The following TOX variants were observed in gnomAD, a reference collection of about 807,000 sequenced individuals.
The protein encoded by TOX is thymocyte selection associated high mobility group box.
TOX carries 11 observed loss-of-function variants against 53.7 expected under a neutral mutation model. That is an observed-to-expected ratio of 0.20 (90% CI 0.13 to 0.34). The LOEUF (loss-of-function observed/expected upper bound fraction) is 0.34, where lower values mean the gene tolerates loss of function less well. Among genes scored for constraint, TOX ranks in the 10% least tolerant of loss-of-function variants. The pLI is 1.00. For synonymous variants in TOX, 225 were observed against 245.3 expected (o/e 0.92, Z 0.77); for missense variants, 570 against 664.6 (o/e 0.86, Z 1.56).
At chr8:58,981,291 C>T (rs1225902161) in intron 1 of TOX, among the ~76,000 whole-genome samples, 2 of 152,068 alleles carry the variant, frequency 1.3e-5, no homozygotes, top group Non-Finnish European at 2.9e-5. Context: ...CTCTACCTCT[C>T]TCTAGTCGTC....
chr8:59,063,736 C>T (rs1408011067), intron 1 of TOX, among the ~76,000 whole-genome samples: 1 of 152,074 alleles, frequency 6.6e-6, no homozygotes, highest in African/African-American at 2.4e-5. Context: ...TAGACTTTTA[C>T]TGAGAACATA....
At chr8:58,959,868 AC>A in intron 2 of TOX, 74 bp downstream of exon 2, 1 of 1,422,062 alleles carries the variant, frequency 7.0e-7, no homozygotes, top group South Asian at 1.2e-5. Context: ...TGATAGTGCT[AC>A]TCATTTGCAA....
At chr8:59,067,118 G>A (rs891975385) in intron 1 of TOX, among the ~76,000 whole-genome samples, 3 of 152,058 alleles carry the variant, frequency 2.0e-5, no homozygotes, top group East Asian at 3.8e-4. Context: ...AAATCCAGAA[G>A]GGGGGCCGGG....
chr8:58,913,500 G>A (rs1381579275), intron 3 of TOX, among the ~76,000 whole-genome samples: 2 of 152,172 alleles, frequency 1.3e-5, no homozygotes, highest in African/African-American at 4.8e-5. Flanking sequence ...CTGGCAGAAT[G>A]TGCTCTTGAT....
At chr8:58,898,835 T>A (rs762619696) in intron 3 of TOX, among the ~76,000 whole-genome samples, 1 of 152,346 alleles carries the variant, frequency 6.6e-6, no homozygotes, top group Non-Finnish European at 1.5e-5. Flanking sequence ...TCTCCAAGGC[T>A]CCACGTTGCA....
chr8:58,870,812 G>T (rs532081847), intron 3 of TOX, among the ~76,000 whole-genome samples: 2 of 152,184 alleles, frequency 1.3e-5, no homozygotes, highest in East Asian at 1.9e-4. Flanking sequence ...GGTGCTGGAA[G>T]ATTGGAATCC....
At chr8:58,993,655 C>G (rs771572539) in intron 1 of TOX, among the ~76,000 whole-genome samples, 3 of 152,138 alleles carry the variant, frequency 2.0e-5, no homozygotes, top group Non-Finnish European at 2.9e-5. Flanking sequence ...TAACATTTCA[C>G]TTCTACCATG....
At chr8:58,964,864 G>GGTGTGTGT (rs34469462) in intron 1 of TOX, among the ~76,000 whole-genome samples, 5 of 148,242 alleles carry the variant, frequency 3.4e-5, no homozygotes, top group East Asian at 2.0e-4. Context: ...ATTTGTAGCT[G>GGTGTGTGT]GTGTGTGTGT....
chr8:58,908,140 A>T (rs951203443), intron 3 of TOX, among the ~76,000 whole-genome samples: 1 of 152,098 alleles, frequency 6.6e-6, no homozygotes, highest in Non-Finnish European at 1.5e-5. Context: ...TTTCCCCTCA[A>T]TGCAAATGTC....
At chr8:58,940,427 T>C (rs1812418813) in intron 2 of TOX, among the ~76,000 whole-genome samples, 1 of 152,034 alleles carries the variant, frequency 6.6e-6, no homozygotes, top group East Asian at 1.9e-4. Context: ...AGGACATGCC[T>C]GTTTGAAATG....
At chr8:59,056,620 C>G (rs1803893492) in intron 1 of TOX, among the ~76,000 whole-genome samples, 1 of 151,978 alleles carries the variant, frequency 6.6e-6, no homozygotes, top group Non-Finnish European at 1.5e-5. Context: ...CTTATGGAAA[C>G]CCAAGAAAAA....
chr8:58,838,007 G>A, intron 5 of TOX, 74 bp downstream of exon 5: 1 of 1,405,834 alleles, frequency 7.1e-7, no homozygotes, highest in African/African-American at 1.4e-5. Flanking sequence ...TTTACCCCAA[G>A]CCCTGGGAGG....
chr8:59,038,612 C>A (rs74604086), intron 1 of TOX, among the ~76,000 whole-genome samples: 3,322 of 152,252 alleles, frequency 0.022, 85 homozygotes, highest in South Asian at 0.088. Flanking sequence ...TTCTCCTTGG[C>A]ACCCATGAAA....
At chr8:58,903,551 T>C (rs754204613) in intron 3 of TOX, among the ~76,000 whole-genome samples, 5 of 152,230 alleles carry the variant, frequency 3.3e-5, no homozygotes, top group Non-Finnish European at 5.9e-5. Context: ...GTATTTAGAA[T>C]TGGACTCAGT....
At chr8:59,062,261 C>T (rs1399982387) in intron 1 of TOX, among the ~76,000 whole-genome samples, 1 of 152,068 alleles carries the variant, frequency 6.6e-6, no homozygotes, top group Non-Finnish European at 1.5e-5. Flanking sequence ...TCCGCAGAGG[C>T]TGAGGAAGGC....
intron 1 of TOX, among the ~76,000 whole-genome samples, chr8:59,108,462 C>T (rs1044287626): frequency 3.5e-4 from 53 of 152,104 alleles, no homozygotes; most frequent in African/African-American, 1.1e-3. Flanking sequence ...TTCACAACTG[C>T]GCCTGTACAT....
chr8:58,861,927 A>G (rs113265304), intron 3 of TOX, among the ~76,000 whole-genome samples: 52 of 152,310 alleles, frequency 3.4e-4, no homozygotes, highest in African/African-American at 1.1e-3. Context: ...TACACGTGAC[A>G]TTCAGCTTAA....
chr8:59,013,161 A>G (rs1386273222), intron 1 of TOX, among the ~76,000 whole-genome samples: 2 of 152,144 alleles, frequency 1.3e-5, no homozygotes, highest in Admixed American at 6.5e-5. Flanking sequence ...AGACCACACT[A>G]TCATAAAACT....
intron 3 of TOX, among the ~76,000 whole-genome samples, chr8:58,887,347 C>T (rs1164527689): frequency 1.3e-5 from 2 of 151,656 alleles, no homozygotes; most frequent in Non-Finnish European, 2.9e-5. Flanking sequence ...TTTACTTTTT[C>T]CCCTGATGTT....
Sources: gnomAD v4.1 joint callset for allele counts (sites outside exome capture counted in the v4.1 genomes callset) on GRCh38, gnomAD v4.1.1 for gene constraint, MANE v1.5 for transcripts, NCBI Gene and HGNC (gene_info 2026-07-23, HGNC 2026-07-21) for gene names.